DCSTAMP: variants seen among roughly 807,000 people sequenced by gnomAD.
DCSTAMP encodes dendritic cell-specific transmembrane protein.
Under a neutral mutation model 33.8 loss-of-function variants are expected in DCSTAMP, and 25 were observed. That is an observed-to-expected ratio of 0.74 (90% confidence interval 0.54 to 1.03). The LOEUF (loss-of-function observed/expected upper bound fraction) is 1.03. Ranked by LOEUF, DCSTAMP falls within the 50% of genes least tolerant of loss-of-function variation. DCSTAMP has a pLI of 0.00. For missense variants in DCSTAMP, 531 were observed against 556.8 expected, an observed-to-expected ratio of 0.95 and a Z score of 0.47; for synonymous variants, 245 against 216.7, an observed-to-expected ratio of 1.13 and a Z score of -1.15.
chr8:104,344,395 G>T (rs116093068), intron 1 of DCSTAMP, among the ~76,000 whole-genome samples: 14 of 151,960 alleles, frequency 9.2e-5, no homozygotes, highest in South Asian at 2.1e-4. Context: ...TTTCTCAGTC[G>T]CATGAGCCCT....
At chr8:104,347,586 A>ACT (rs1362053132) in intron 1 of DCSTAMP, among the ~76,000 whole-genome samples, 8 of 152,366 alleles carry the variant, frequency 5.3e-5, no homozygotes, top group Admixed American at 5.2e-4. Flanking sequence ...GTGGCTTAAA[A>ACT]TAAATCAGCA....
At chr8:104,353,375 C>A (rs759113542) in intron 2 of DCSTAMP, among the ~76,000 whole-genome samples, 1 of 152,198 alleles carries the variant, frequency 6.6e-6, no homozygotes, top group African/African-American at 2.4e-5. Context: ...TTGACTCAGC[C>A]GTTCTGAAGC....
chr8:104,354,701 A>T (rs899097459), intron 2 of DCSTAMP, among the ~76,000 whole-genome samples, 176 bp from the exon 3 acceptor site: 3 of 152,228 alleles, frequency 2.0e-5, no homozygotes, highest in Non-Finnish European at 4.4e-5. Context: ...CAAATAAGAC[A>T]CATCTCTTCT....
At chr8:104,347,811 C>T (rs1226697221) in intron 1 of DCSTAMP, among the ~76,000 whole-genome samples, 2 of 152,120 alleles carry the variant, frequency 1.3e-5, no homozygotes, top group East Asian at 3.9e-4. Context: ...GCTCAGAACT[C>T]ATGAATATAT....
At chr8:104,344,331 A>T (rs1374805547) in intron 1 of DCSTAMP, among the ~76,000 whole-genome samples, 1 of 152,082 alleles carries the variant, frequency 6.6e-6, no homozygotes, top group East Asian at 1.9e-4. Flanking sequence ...AAATAAAATA[A>T]CACTAAAAGT....
chr8:104,339,814 C>T (rs1377166555), upstream of DCSTAMP: 1 of 152,168 alleles, frequency 6.6e-6, no homozygotes, highest in African/African-American at 2.4e-5. Flanking sequence ...AGACCTACAG[C>T]CCTTGGGAAG....
chr8:104,345,647 AGAAAAATGTCTGTATTAG>A, intron 1 of DCSTAMP, among the ~76,000 whole-genome samples: 1 of 152,356 alleles, frequency 6.6e-6, no homozygotes, highest in South Asian at 2.1e-4. Flanking sequence ...TCATACTTTC[AGAAAAATGTCTGTATTAG>A]GAACACACTG....
Position 104,349,138 on chromosome 8 carries a change from G to T in DCSTAMP, c.586G>T (p.Val196Phe), listed in dbSNP as rs769902138. The change falls in exon 2 of 4, where the codon GTC (valine) becomes TTC (phenylalanine). Residue 196 changes from valine (V) to phenylalanine (F), a missense_variant. Physicochemically the swap from Val to Phe is conservative, Grantham distance 50 (BLOSUM62 -1). Transcript: ENST00000297581. ...LNDSKGEVLS[V>F]LYQMATTTEV... ...TGACAGCAAAGGGGAAGTCCTGAGCGTCTTGTACCAGATGGCAACAACCAC... is the reference window on the plus strand; with the variant it reads ...TGACAGCAAAGGGGAAGTCCTGAGCTTCTTGTACCAGATGGCAACAACCAC... 1.2e-6 allele frequency: 2 copies of T among 1,614,060 alleles called. No individual in the cohort carries two copies. Among genetic ancestry groups the T allele is most frequent in the South Asian group, 2.2e-5 (2 of 91,094 alleles).
rs1810572609 is a variant in DCSTAMP at position 104,354,873 on chromosome 8, T to C, written c.1030-4T>C. On this transcript the variant is annotated splice_region_variant and splice_polypyrimidine_tract_variant and intron_variant, in intron 2 of 3. Coordinates refer to ENST00000297581, the MANE Select transcript of DCSTAMP (RefSeq NM_030788.4). ...ATCATGATTATTTTATTCTTTCATT[T>C]TAGAAACAAGGAACTCAAGATATTA... 4 of 1,565,274 alleles carry C rather than the reference T, an allele frequency of 2.6e-6. No individual in the cohort carries two copies. The highest frequency in any genetic ancestry group is 3.5e-6 in the Non-Finnish European group (4 of 1,146,216).
intron 1 of DCSTAMP, among the ~76,000 whole-genome samples, chr8:104,345,696 A>G (rs1422028992): frequency 6.6e-6 from 1 of 152,244 alleles, no homozygotes; most frequent in African/African-American, 2.4e-5. Flanking sequence ...AAGGCAAGAG[A>G]AAGGAAAAAT....
At chr8:104,350,602 G>A (rs1564066642) in intron 2 of DCSTAMP, among the ~76,000 whole-genome samples, 4 of 152,192 alleles carry the variant, frequency 2.6e-5, no homozygotes, top group Non-Finnish European at 4.4e-5. Context: ...TTTTAAATGT[G>A]TGTTAAGAAT....
chr8:104,342,643 G>A (rs1477382962), intron 1 of DCSTAMP, among the ~76,000 whole-genome samples: 2 of 152,180 alleles, frequency 1.3e-5, no homozygotes, highest in Non-Finnish European at 2.9e-5. Context: ...TCTGACCCCT[G>A]TAGGCATTTG....
At position 104,348,642 on chromosome 8, in the gene DCSTAMP, C is replaced by T; in HGVS notation, c.90C>T (p.Ile30=). Residue 30 remains isoleucine (I), a synonymous_variant, in exon 2 of 4, where the codon ATC becomes ATT. Transcript: ENST00000297581. ...GAAGCCCCGGATGGATGGACTTTAT[C>T]CAGCATTTGGGAGTTTGCTGTTTGG... The part of the protein sequence containing the change: ...SPRSPGWMDF[I]QHLGVCCLVA... 1 of 1,614,176 alleles carries T rather than the reference C, an allele frequency of 6.2e-7. No individual in the cohort carries two copies. The highest frequency in any genetic ancestry group is 8.5e-7 in the Non-Finnish European group (1 of 1,180,042).
chr8:104,349,302 A>C lies in DCSTAMP; in HGVS notation c.750A>C (p.Gln250His). 5.0e-6 allele frequency: 8 copies of C among 1,614,152 alleles called. No individual in the cohort carries two copies. Among genetic ancestry groups the C allele is most frequent in the Non-Finnish European group, 6.8e-6 (8 of 1,180,030 alleles). Residue 250 changes from glutamine (Q) to histidine (H), a missense_variant, in exon 2 of 4, where the codon CAA (glutamine) becomes CAC (histidine). Coordinates refer to ENST00000297581, the MANE Select transcript of DCSTAMP (RefSeq NM_030788.4). ...WKYENIYITR[Q>H]FVQFDERERH... is the part of the protein sequence containing the mutation. ...ATGAAAACATCTACATCACCAGACAATTTGTTCAGTTTGATGAAAGGGAGA... is the reference window on the plus strand; with the variant it reads ...ATGAAAACATCTACATCACCAGACACTTTGTTCAGTTTGATGAAAGGGAGA...
At chr8:104,341,081 A>G (rs2099382741) in intron 1 of DCSTAMP, among the ~76,000 whole-genome samples, 1 of 152,158 alleles carries the variant, frequency 6.6e-6, no homozygotes, top group Non-Finnish European at 1.5e-5. Context: ...GAGCAATAAG[A>G]TGCTCCCAAG....
At chr8:104,353,778 G>C (rs1015667206) in intron 2 of DCSTAMP, among the ~76,000 whole-genome samples, 2 of 152,238 alleles carry the variant, frequency 1.3e-5, no homozygotes, top group African/African-American at 4.8e-5. Context: ...TTTTTGAGAA[G>C]TCATTTACCT....
rs150364969 is a variant in DCSTAMP, at chr8:104,348,606, C to T, written c.54C>T (p.Tyr18=). 79 of 1,614,154 alleles carry T rather than the reference C, an allele frequency of 4.9e-5. 1 individual carries two copies. The African/African-American group carries it at 7.6e-4, about 16-fold the overall frequency. The change falls in exon 2 of 4, where the codon TAC becomes TAT. Residue 18 remains tyrosine, a synonymous_variant. Transcript: ENST00000297581. The part of the protein sequence containing the change: ...TDIFLSLWEI[Y]VSPRSPGWMD... ...TCTTCCTAAGTCTTTGGGAGATTTA[C>T]GTGTCTCCAAGAAGCCCCGGATGGA...
intron 2 of DCSTAMP, among the ~76,000 whole-genome samples, chr8:104,353,006 C>T (rs2002812): frequency 0.62 from 95,031 of 152,092 alleles, 30,915 homozygotes; most frequent in Non-Finnish European, 0.72. Flanking sequence ...GCTCAAGGTG[C>T]TGCCAATATT....
At chr8:104,349,712 T>G in intron 2 of DCSTAMP, 131 bp downstream of exon 2, 8 of 1,027,936 alleles carry the variant, frequency 7.8e-6, no homozygotes, top group Non-Finnish European at 1.1e-5. Flanking sequence ...GCATAGTGCT[T>G]GGCACATAGA....
Sources: allele counts gnomAD v4.1 joint callset (sites outside exome capture counted in the v4.1 genomes callset), GRCh38; gene constraint gnomAD v4.1.1; transcripts MANE v1.5; gene names NCBI Gene and HGNC (gene_info 2026-07-23, HGNC 2026-07-21).